ATP6V1C1: variants seen among roughly 807,000 people sequenced by gnomAD.
ATP6V1C1 encodes ATPase H+ transporting V1 subunit C1.
A neutral mutation model predicts 53.9 loss-of-function variants in ATP6V1C1; 45 were observed. The observed-to-expected ratio is 0.83, with a 90% CI of 0.66 to 1.07. The LOEUF (loss-of-function observed/expected upper bound fraction) is 1.07. ATP6V1C1 is among the 50% of genes least tolerant of loss of function. The pLI is 0.00. For missense variants in ATP6V1C1, 315 were observed against 440.3 expected (o/e 0.72, Z 2.55); for synonymous variants, 153 against 155.2 (o/e 0.99, Z 0.11).
At chr8:103,033,914 A>G (rs1196286449) in intron 1 of ATP6V1C1, among the ~76,000 whole-genome samples, 1 of 152,216 alleles carries the variant, frequency 6.6e-6, no homozygotes, top group Non-Finnish European at 1.5e-5. Flanking sequence ...GTACACCTAT[A>G]CTAACTCAGG....
Position 103,048,849 on chromosome 8 carries a change from TTGA to T in ATP6V1C1, c.201-19_201-17del. The T allele has an allele frequency of 6.3e-7, 1 of 1,594,338 alleles. No individual in the cohort carries two copies. Among genetic ancestry groups the T allele is most frequent in the East Asian group, 2.2e-5 (1 of 44,632 alleles). On this transcript the variant is annotated intron_variant, in intron 3 of 12. Transcript: ENST00000518738. Reference sequence around the variant, plus strand: ...TAGATCTTTTTCCTGAGAATGGTTGTTGATATTTTTTCTTCCCCAGAGTGGTTA... The same window carrying T: ...TAGATCTTTTTCCTGAGAATGGTTGTTATTTTTTCTTCCCCAGAGTGGTTA...
rs907638512 is a variant in ATP6V1C1, at chr8:103,069,769, G to A, written c.*1022G>A. 1 of 152,088 alleles carries A rather than the reference G, an allele frequency of 6.6e-6. No individual in the cohort carries two copies. Among genetic ancestry groups the A allele is most frequent in the African/African-American group, 2.4e-5 (1 of 41,406 alleles). 9.4% of individuals were successfully genotyped at this position (152,088 alleles called of 1,614,324 possible). ...TTTGTGGCAATGTTTCTCTTACTACGTACTCACAGGTTTGCAAATGGGAAA... is the reference window on the plus strand; with the variant it reads ...TTTGTGGCAATGTTTCTCTTACTACATACTCACAGGTTTGCAAATGGGAAA... On this transcript the variant is annotated 3_prime_UTR_variant, in exon 13 of 13. Coordinates refer to ENST00000518738, the MANE Select transcript of ATP6V1C1 (RefSeq NM_001695.5).
chr8:103,023,069 A>T (rs911053966), intron 1 of ATP6V1C1, among the ~76,000 whole-genome samples: 1 of 152,128 alleles, frequency 6.6e-6, no homozygotes, highest in African/African-American at 2.4e-5. Context: ...ACGAAAAAGG[A>T]ACATTTCAGG....
intron 3 of ATP6V1C1, among the ~76,000 whole-genome samples, chr8:103,044,098 A>G (rs2131390850): frequency 6.6e-6 from 1 of 152,090 alleles, no homozygotes; most frequent in South Asian, 2.1e-4. Flanking sequence ...CATGTTGGAC[A>G]GGCTGGTCTC....
At chr8:103,063,334 A>G (rs1278440713) in intron 10 of ATP6V1C1, 106 bp downstream of exon 10, 16 of 737,738 alleles carry the variant, frequency 2.2e-5, no homozygotes, top group Non-Finnish European at 3.4e-5. Context: ...GTTTTAAGAC[A>G]TTTGATTTTA....
At chr8:103,029,284 CT>C (rs1265130977) in intron 1 of ATP6V1C1, among the ~76,000 whole-genome samples, 6 of 42,364 alleles carry the variant, frequency 1.4e-4, no homozygotes, top group South Asian at 6.6e-4. Flanking sequence ...TCTCTCTCTT[CT>C]TTTTTTTTTT....
At chr8:103,045,669 T>C (rs1385247363) in intron 3 of ATP6V1C1, among the ~76,000 whole-genome samples, 3 of 152,036 alleles carry the variant, frequency 2.0e-5, no homozygotes, top group South Asian at 2.1e-4. Flanking sequence ...GGGCCGGGCA[T>C]GGTGGCTCAC....
In ATP6V1C1 at chr8:103,063,311, A is replaced by G. The variant is rs1258192419; in HGVS notation, c.828+83A>G. The G allele has an allele frequency of 6.5e-6, 6 of 924,056 alleles. No individual in the cohort carries two copies. In the Admixed American group the frequency reaches 8.7e-5, roughly 13 times the overall value. The allele number at this position is 924,056 out of a possible 1,614,324, so 57.2% of individuals were successfully genotyped here. ...CTTTCCTTTGATTTAAAAGAAAGTA[A>G]AAATCTGCTTTGGTTTTAAGACATT... is the stretch of plus-strand genomic sequence containing the variant. On this transcript the variant is annotated intron_variant, in intron 10 of 12. Coordinates refer to ENST00000518738, the MANE Select transcript of ATP6V1C1 (RefSeq NM_001695.5).
intron 1 of ATP6V1C1, among the ~76,000 whole-genome samples, chr8:103,030,759 G>T (rs1261829024): frequency 6.8e-6 from 1 of 147,530 alleles, no homozygotes; most frequent in African/African-American, 2.7e-5. Flanking sequence ...ATAAACACCA[G>T]AAACTTATGG....
At chr8:103,062,173 T>TG (rs1205463878) in intron 8 of ATP6V1C1, among the ~76,000 whole-genome samples, 15 of 131,818 alleles carry the variant, frequency 1.1e-4, no homozygotes, top group African/African-American at 3.8e-4. Flanking sequence ...TTTTTTTTTT[T>TG]TTTTTTTTTT....
At chr8:103,033,308 G>A (rs1248405908) in intron 1 of ATP6V1C1, among the ~76,000 whole-genome samples, 1 of 152,088 alleles carries the variant, frequency 6.6e-6, no homozygotes, top group East Asian at 1.9e-4. Flanking sequence ...CTCTTACAAT[G>A]GGTGCATTTA....
At chr8:103,044,446 G>A (rs1411417503) in intron 3 of ATP6V1C1, among the ~76,000 whole-genome samples, 5 of 152,182 alleles carry the variant, frequency 3.3e-5, no homozygotes. Context: ...TCTTTTGGAT[G>A]TGAATATCTG....
At chr8:103,033,056 G>A (rs1196757909) in intron 1 of ATP6V1C1, among the ~76,000 whole-genome samples, 1 of 152,182 alleles carries the variant, frequency 6.6e-6, no homozygotes, top group Non-Finnish European at 1.5e-5. Flanking sequence ...TCAAAGACTT[G>A]CTGAGCAAAA....
Position 103,047,716 on chromosome 8 carries a change from T to A in ATP6V1C1, c.201-1154T>A, listed in dbSNP as rs1435571932. ...TCTGGACTTCTCACCATTCTCTGGA[T>A]GCCTACTGCTTTTCCACCTCTTATC... is the stretch of plus-strand genomic sequence containing the variant. On this transcript the variant is annotated intron_variant, in intron 3 of 12. Coordinates refer to ENST00000518738, the MANE Select transcript of ATP6V1C1 (RefSeq NM_001695.5). Among the ~76,000 whole-genome samples the A allele has an allele frequency of 2.0e-5, 3 of 152,224 alleles. No homozygotes were observed. The South Asian group carries it at 6.2e-4, about 32-fold the overall frequency.
Position 103,040,756 on chromosome 8 carries a change from A to G in ATP6V1C1, c.-39-42A>G. On this transcript the variant is annotated intron_variant, in intron 1 of 12. Coordinates refer to ENST00000518738, the MANE Select transcript of ATP6V1C1 (RefSeq NM_001695.5). ...TGATTCTGAAACACTTTAGAAACAAATGATTTTAAATGTGATTTTTTTTAT... is the reference window on the plus strand; with the variant it reads ...TGATTCTGAAACACTTTAGAAACAAGTGATTTTAAATGTGATTTTTTTTAT... The G allele has an allele frequency of 3.3e-6, 5 of 1,509,158 alleles. No individual in the cohort carries two copies. In the South Asian group the frequency reaches 3.8e-5, roughly 11 times the overall value. 93.5% of individuals were successfully genotyped at this position (1,509,158 alleles called of 1,614,324 possible).
At chr8:103,064,599 T>TA in intron 10 of ATP6V1C1, 115 bp from the exon 11 acceptor site, 1 of 738,786 alleles carries the variant, frequency 1.4e-6, no homozygotes, top group Non-Finnish European at 2.1e-6. Context: ...GAAAGTGAAT[T>TA]ATGCGACTTA....
At chr8:103,041,342 C>T (rs1478027327) in intron 2 of ATP6V1C1, among the ~76,000 whole-genome samples, 1 of 152,100 alleles carries the variant, frequency 6.6e-6, no homozygotes, top group Non-Finnish European at 1.5e-5. Flanking sequence ...AATGTGTTAC[C>T]ATGGCACCTA....
chr8:103,034,164 A>C (rs1016837165), intron 1 of ATP6V1C1, among the ~76,000 whole-genome samples: 18 of 152,168 alleles, frequency 1.2e-4, no homozygotes, highest in Non-Finnish European at 1.3e-4. Flanking sequence ...GAAAGGTGCT[A>C]TACACACACA....
rs1171130762 is a variant in ATP6V1C1 at position 103,045,319 on chromosome 8, T to C, written c.200+2912T>C. On this transcript the variant is annotated intron_variant, in intron 3 of 12. Transcript: ENST00000518738. ...GGTTACAGAGAGAGAGAGAGATCTT[T>C]TAATATAACACCATGTAGTGAGGAA... 2.0e-5 allele frequency among the ~76,000 whole-genome samples: 3 copies of C among 152,166 alleles called. No individual in the cohort carries two copies. The East Asian group carries it at 5.8e-4, about 29-fold the overall frequency.
Sources: allele counts gnomAD v4.1 joint callset (sites outside exome capture counted in the v4.1 genomes callset), GRCh38; gene constraint gnomAD v4.1.1; transcripts MANE v1.5; gene names NCBI Gene and HGNC (gene_info 2026-07-23, HGNC 2026-07-21).